Variants in ERBB4 observed in about 807,000 individuals in gnomAD.
ERBB4 encodes the protein receptor tyrosine-protein kinase erbB-4.
In ERBB4, 42 loss-of-function variants were observed where a neutral mutation model predicts 158.0. The ratio of observed to expected loss-of-function variants is 0.27; its 90% CI spans 0.21 to 0.34. ERBB4 has a LOEUF of 0.34. Among genes scored for constraint, ERBB4 ranks in the 10% least tolerant of loss-of-function variants. The probability of loss-of-function intolerance (pLI) is 1.00; values close to 1 mark genes in which losing one functional copy is unlikely to be tolerated. For synonymous variants in ERBB4, 583 were observed against 558.7 expected (o/e 1.04, Z -0.61); for missense variants, 1,333 against 1,624.1 (o/e 0.82, Z 3.08).
chr2:211,847,594 GCCC>G (rs2077621057), intron 3 of ERBB4, among the ~76,000 whole-genome samples: 1 of 151,940 alleles, frequency 6.6e-6, no homozygotes, highest in South Asian at 2.1e-4. Flanking sequence ...TTTGAATGTG[GCCC>G]AAAACAAATT....
At chr2:212,355,615 G>T (rs1167135106) in intron 1 of ERBB4, among the ~76,000 whole-genome samples, 2 of 151,926 alleles carry the variant, frequency 1.3e-5, no homozygotes, top group African/African-American at 2.4e-5. Context: ...CTCCATAAAA[G>T]ACATTTTAAA....
chr2:211,701,355 C>A (rs1335876563), intron 12 of ERBB4, among the ~76,000 whole-genome samples: 1 of 152,030 alleles, frequency 6.6e-6, no homozygotes, highest in Non-Finnish European at 1.5e-5. Flanking sequence ...TCGATCTCCA[C>A]AAATTGATTG....
rs374581758 is a variant in ERBB4 at position 211,424,279 on chromosome 2, C to A, written c.2742G>T (p.Met914Ile). The A allele has an allele frequency of 9.3e-6, 15 of 1,612,708 alleles. No individual in the cohort carries two copies. Among genetic ancestry groups the A allele is most frequent in the African/African-American group, 4.0e-5 (3 of 74,844 alleles). The change falls in exon 23 of 28, where the codon ATG (methionine) becomes ATT (isoleucine). Residue 914 changes from methionine (M) to isoleucine (I), a missense_variant. By Grantham distance (10) the Met-to-Ile change is conservative (BLOSUM62 1). Transcript: ENST00000342788. Reference sequence around the variant, plus strand: ...CATCATAGGGTTTTCCTCCAAAGGTCATCAGTTCCCATATAGTAACTCCTA... The same window carrying A: ...CATCATAGGGTTTTCCTCCAAAGGTAATCAGTTCCCATATAGTAACTCCTA... ...WSYGVTIWEL[M>I]TFGGKPYDGI...
At chr2:212,323,878 T>C (rs1434227033) in intron 1 of ERBB4, among the ~76,000 whole-genome samples, 1 of 150,426 alleles carries the variant, frequency 6.6e-6, no homozygotes, top group Non-Finnish European at 1.5e-5. Context: ...ACCTCTTTAT[T>C]GACTGACGTG....
chr2:211,597,902 G>A (rs959895924), intron 19 of ERBB4, among the ~76,000 whole-genome samples: 14 of 152,070 alleles, frequency 9.2e-5, no homozygotes, highest in African/African-American at 3.1e-4. Context: ...TTATATCTTT[G>A]TATGTTATTA....
intron 3 of ERBB4, among the ~76,000 whole-genome samples, chr2:211,834,502 G>A (rs1034544486): frequency 6.6e-6 from 1 of 151,818 alleles, no homozygotes; most frequent in Non-Finnish European, 1.5e-5. Flanking sequence ...AAAAGAAGGG[G>A]GGTAGGGGCA....
intron 20 of ERBB4, among the ~76,000 whole-genome samples, chr2:211,499,963 G>C (rs1176356004): frequency 6.6e-6 from 1 of 152,058 alleles, no homozygotes; most frequent in African/African-American, 2.4e-5. Flanking sequence ...GAATACTAAA[G>C]AAATGCATAA....
At chr2:211,852,636 C>T (rs200335488) in intron 3 of ERBB4, among the ~76,000 whole-genome samples, 34 of 138,840 alleles carry the variant, frequency 2.4e-4, no homozygotes, top group Non-Finnish European at 3.5e-4. Context: ...CAATGGCCAA[C>T]TTTTTTTTTT....
chr2:211,587,108 G>T (rs1198611648), intron 19 of ERBB4, among the ~76,000 whole-genome samples: 1 of 151,892 alleles, frequency 6.6e-6, no homozygotes, highest in Non-Finnish European at 1.5e-5. Context: ...AAGACACCCT[G>T]CAGGGAGACC....
chr2:211,775,860 C>A (rs1203100323), intron 4 of ERBB4, among the ~76,000 whole-genome samples: 1 of 152,192 alleles, frequency 6.6e-6, no homozygotes, highest in African/African-American at 2.4e-5. Flanking sequence ...TCACGGGTTA[C>A]ACCTTGACCT....
At chr2:211,744,141 A>T (rs967951764) in intron 5 of ERBB4, among the ~76,000 whole-genome samples, 8 of 151,990 alleles carry the variant, frequency 5.3e-5, no homozygotes, top group African/African-American at 1.5e-4. Flanking sequence ...GAAAACATTT[A>T]AAAAAAACAG....
chr2:211,387,905 G>T, intron 26 of ERBB4, 40 bp downstream of exon 26: 1 of 1,521,070 alleles, frequency 6.6e-7, no homozygotes, highest in Non-Finnish European at 9.1e-7. Flanking sequence ...AGCAAAGACC[G>T]AAAATCCTAA....
intron 3 of ERBB4, among the ~76,000 whole-genome samples, chr2:211,863,714 G>A (rs2078129917): frequency 6.6e-6 from 1 of 152,124 alleles, no homozygotes; most frequent in Non-Finnish European, 1.5e-5. Context: ...CCATCTTTAA[G>A]AGCTGTAACG....
At chr2:211,940,757 C>T (rs921679810) in intron 3 of ERBB4, among the ~76,000 whole-genome samples, 9 of 152,078 alleles carry the variant, frequency 5.9e-5, no homozygotes, top group Admixed American at 2.0e-4. Flanking sequence ...CCTGAACGCC[C>T]AACCCCACCA....
chr2:212,383,841 T>C (rs1390483049), intron 1 of ERBB4, among the ~76,000 whole-genome samples: 1 of 151,704 alleles, frequency 6.6e-6, no homozygotes, highest in Non-Finnish European at 1.5e-5. Flanking sequence ...ATTAGGCACA[T>C]GTCAGGCTTC....
chr2:211,656,914 C>G (rs900287839), intron 16 of ERBB4, among the ~76,000 whole-genome samples: 3 of 152,132 alleles, frequency 2.0e-5, no homozygotes, highest in Admixed American at 2.0e-4. Flanking sequence ...AAAGCCACTA[C>G]AAACATTAGT....
At chr2:211,998,920 A>G (rs1222316695) in intron 2 of ERBB4, among the ~76,000 whole-genome samples, 1 of 151,948 alleles carries the variant, frequency 6.6e-6, no homozygotes, top group East Asian at 1.9e-4. Context: ...TTCTTTACTC[A>G]ATAAGAAACA....
At chr2:211,650,926 TG>T (rs2105881697) in intron 16 of ERBB4, among the ~76,000 whole-genome samples, 1 of 152,326 alleles carries the variant, frequency 6.6e-6, no homozygotes, top group South Asian at 2.1e-4. Context: ...TTAACTGCAC[TG>T]AAAGTGCTTA....
chr2:212,013,449 A>G (rs760576096), intron 2 of ERBB4, among the ~76,000 whole-genome samples: 46 of 152,194 alleles, frequency 3.0e-4, no homozygotes, highest in Non-Finnish European at 8.8e-5. Context: ...ATTGGATAGC[A>G]TTCCCTCAAA....
Sources: gnomAD v4.1 joint callset for allele counts (sites outside exome capture counted in the v4.1 genomes callset) on GRCh38, gnomAD v4.1.1 for gene constraint, MANE v1.5 for transcripts, NCBI Gene and HGNC (gene_info 2026-07-23, HGNC 2026-07-21) for gene names.